EEFSEC: variants seen among roughly 807,000 people sequenced by gnomAD.
EEFSEC encodes eukaryotic elongation factor, selenocysteine-tRNA specific.
A neutral mutation model predicts 42.1 loss-of-function variants in EEFSEC; 43 were observed. The observed-to-expected ratio is 1.02, with a 90% CI of 0.80 to 1.32. EEFSEC has a LOEUF of 1.32. Ranked by LOEUF, EEFSEC falls within the 40% of genes most tolerant of loss-of-function variation. The pLI, the probability that EEFSEC is intolerant of heterozygous loss-of-function variation, is 0.00. For synonymous variants in EEFSEC, 354 were observed against 339.1 expected (o/e 1.04, Z -0.48); for missense variants, 745 against 803.6 (o/e 0.93, Z 0.88).
intron 4 of EEFSEC, among the ~76,000 whole-genome samples, chr3:128,333,799 G>A (rs2067160037): frequency 6.6e-6 from 1 of 152,156 alleles, no homozygotes; most frequent in South Asian, 2.1e-4. Context: ...GAAAGTGCAT[G>A]GTAAAGGGAA....
At chr3:128,212,703 T>G (rs1443310224) in intron 1 of EEFSEC, among the ~76,000 whole-genome samples, 1 of 152,112 alleles carries the variant, frequency 6.6e-6, no homozygotes, top group Non-Finnish European at 1.5e-5. Flanking sequence ...TCGAGAGGAG[T>G]AAAAGCATGT....
At chr3:128,343,189 G>T (rs1161974289) in intron 5 of EEFSEC, among the ~76,000 whole-genome samples, 1 of 152,180 alleles carries the variant, frequency 6.6e-6, no homozygotes, top group Non-Finnish European at 1.5e-5. Context: ...TGTCACATGT[G>T]GTGGGCTTCC....
chr3:128,398,131 G>A (rs1482448568), intron 6 of EEFSEC, among the ~76,000 whole-genome samples: 1 of 152,210 alleles, frequency 6.6e-6, no homozygotes, highest in East Asian at 1.9e-4. Context: ...GCCCCTTCCT[G>A]GCATTGCTGG....
At chr3:128,246,484 A>C (rs1170465666) in intron 1 of EEFSEC, among the ~76,000 whole-genome samples, 1 of 151,992 alleles carries the variant, frequency 6.6e-6, no homozygotes, top group Non-Finnish European at 1.5e-5. Context: ...CCCTGCTGAG[A>C]CATTTCTTCC....
At chr3:128,290,610 A>C (rs1479435126) in intron 4 of EEFSEC, among the ~76,000 whole-genome samples, 2 of 151,438 alleles carry the variant, frequency 1.3e-5, no homozygotes, top group African/African-American at 4.9e-5. Context: ...TTGGCATTGC[A>C]TGGAATCTGT....
the EEFSEC span, among the ~76,000 whole-genome samples, chr3:128,415,480 C>T: frequency 5.1e-5 from 7 of 136,566 alleles, no homozygotes; most frequent in African/African-American, 1.4e-4. Context: ...AGATGCAGAG[C>T]GATGATAGGG....
intron 1 of EEFSEC, 26 bp downstream of exon 1, chr3:128,153,849 G>A: frequency 6.7e-7 from 1 of 1,482,688 alleles, no homozygotes; most frequent in East Asian, 2.7e-5. Context: ...GGCGGGAGCC[G>A]GGCTCAGGGA....
intron 6 of EEFSEC, among the ~76,000 whole-genome samples, chr3:128,402,639 T>G (rs2068061797): frequency 6.6e-6 from 1 of 152,236 alleles, no homozygotes; most frequent in Non-Finnish European, 1.5e-5. Flanking sequence ...GGGACATCTT[T>G]GTGTAGAAAT....
intron 4 of EEFSEC, among the ~76,000 whole-genome samples, chr3:128,305,228 G>T (rs1411156211): frequency 6.6e-6 from 1 of 152,012 alleles, no homozygotes; most frequent in Non-Finnish European, 1.5e-5. Context: ...ATATTAATAT[G>T]TTTTCTAGTA....
intron 1 of EEFSEC, 190 bp downstream of exon 1, chr3:128,154,013 T>G: frequency 1.3e-6 from 1 of 763,382 alleles, no homozygotes; most frequent in South Asian, 2.4e-5. Flanking sequence ...GCTTTGAGAT[T>G]CAGCTTTTCC....
At chr3:128,211,848 C>CTTTTTTTTTTTTTT (rs34885945) in intron 1 of EEFSEC, among the ~76,000 whole-genome samples, 5 of 51,704 alleles carry the variant, frequency 9.7e-5, no homozygotes, top group Admixed American at 3.6e-4. Flanking sequence ...TTTTTCTTTT[C>CTTTTTTTTTTTTTT]TTTTTTTTTT....
intron 1 of EEFSEC, among the ~76,000 whole-genome samples, chr3:128,201,805 G>A (rs1043826007): frequency 6.6e-6 from 1 of 152,152 alleles, no homozygotes; most frequent in East Asian, 1.9e-4. Flanking sequence ...ATTCTACTCA[G>A]TTTCCTTCTA....
intron 1 of EEFSEC, among the ~76,000 whole-genome samples, chr3:128,188,187 A>G (rs2065483865): frequency 6.6e-6 from 1 of 152,104 alleles, no homozygotes; most frequent in Non-Finnish European, 1.5e-5. Flanking sequence ...GAAGGCCGAA[A>G]CCCAAGTTAG....
At chr3:128,286,477 G>A (rs1401524433) in intron 4 of EEFSEC, among the ~76,000 whole-genome samples, 1 of 152,190 alleles carries the variant, frequency 6.6e-6, no homozygotes, top group Non-Finnish European at 1.5e-5. Flanking sequence ...CTAGACTTTG[G>A]ATATGTATTT....
At chr3:128,386,679 G>C (rs972848246) in intron 6 of EEFSEC, among the ~76,000 whole-genome samples, 3 of 152,200 alleles carry the variant, frequency 2.0e-5, no homozygotes, top group Non-Finnish European at 4.4e-5. Context: ...CTTCTGGTGA[G>C]ACCTCAGGAA....
intron 1 of EEFSEC, among the ~76,000 whole-genome samples, chr3:128,204,366 A>G (rs180799867): frequency 6.6e-6 from 1 of 152,344 alleles, no homozygotes; most frequent in Admixed American, 6.5e-5. Context: ...CTCTCAATAA[A>G]TATTAACTGT....
At chr3:128,363,773 T>C (rs945442922) in intron 6 of EEFSEC, among the ~76,000 whole-genome samples, 2 of 152,206 alleles carry the variant, frequency 1.3e-5, no homozygotes, top group African/African-American at 2.4e-5. Context: ...TGAAGGAGTT[T>C]GGTGGAATAG....
At chr3:128,408,733 C>T (rs2068152027), downstream of EEFSEC, 1 of 153,980 alleles carries the variant, frequency 6.5e-6, no homozygotes, top group Non-Finnish European at 1.4e-5. Flanking sequence ...CCAAGAGTTC[C>T]TGCCCAGGTC....
chr3:128,399,268 AG>A, intron 6 of EEFSEC, among the ~76,000 whole-genome samples: 1 of 152,282 alleles, frequency 6.6e-6, no homozygotes, highest in East Asian at 1.9e-4. Context: ...ATTGCTGCTA[AG>A]AAGCTTAATG....
Sources: gnomAD v4.1 joint callset for allele counts (sites outside exome capture counted in the v4.1 genomes callset) on GRCh38, gnomAD v4.1.1 for gene constraint, MANE v1.5 for transcripts, NCBI Gene and HGNC (gene_info 2026-07-23, HGNC 2026-07-21) for gene names.